The following FAM81A variants were observed in gnomAD, a reference collection of about 807,000 sequenced individuals.
The protein encoded by FAM81A is protein FAM81A.
FAM81A carries 19 observed loss-of-function variants against 46.7 expected under a neutral mutation model. The observed-to-expected ratio is 0.41, with a 90% CI of 0.28 to 0.60. FAM81A has a LOEUF of 0.60. Ranked by LOEUF, FAM81A falls within the 20% of genes least tolerant of loss-of-function variation. FAM81A has a pLI of 0.34. For missense variants in FAM81A, 377 were observed against 453.5 expected (o/e 0.83, Z 1.53); for synonymous variants, 183 against 152.9 (o/e 1.20, Z -1.45).
intron 1 of FAM81A, among the ~76,000 whole-genome samples, chr15:59,457,336 A>G (rs1260601181): frequency 6.6e-6 from 1 of 152,226 alleles, no homozygotes; most frequent in African/African-American, 2.4e-5. Flanking sequence ...GAGTCACTTA[A>G]TAGCCATCTC....
chr15:59,520,357 T>C (rs1245484252), intron 8 of FAM81A, among the ~76,000 whole-genome samples: 3 of 152,154 alleles, frequency 2.0e-5, no homozygotes, highest in Non-Finnish European at 4.4e-5. Context: ...TGATAACTCA[T>C]TGTGGTTTTA....
At chr15:59,478,822 T>A (rs2081807831) in intron 3 of FAM81A, among the ~76,000 whole-genome samples, 1 of 152,250 alleles carries the variant, frequency 6.6e-6, no homozygotes. Flanking sequence ...CAGTACATTT[T>A]AGCTTGTCTG....
chr15:59,417,400 A>C (rs2081151233), intron 2 of FAM81A, among the ~76,000 whole-genome samples: 1 of 151,972 alleles, frequency 6.6e-6, no homozygotes, highest in East Asian at 1.9e-4. Context: ...AAACAAACAA[A>C]CAAACAAAAA....
At chr15:59,486,249 A>G (rs769522866) in intron 3 of FAM81A, among the ~76,000 whole-genome samples, 54 of 152,176 alleles carry the variant, frequency 3.5e-4, no homozygotes, top group Non-Finnish European at 4.3e-4. Context: ...GAAAAATGCT[A>G]GTGACATACT....
At chr15:59,482,081 A>G (rs564186300) in intron 3 of FAM81A, among the ~76,000 whole-genome samples, 2 of 152,240 alleles carry the variant, frequency 1.3e-5, no homozygotes, top group East Asian at 3.9e-4. Flanking sequence ...CCAGAGTGGT[A>G]TGCTATAATA....
chr15:59,499,913 C>T (rs2082073899), intron 4 of FAM81A, among the ~76,000 whole-genome samples: 1 of 149,710 alleles, frequency 6.7e-6, no homozygotes, highest in African/African-American at 2.5e-5. Flanking sequence ...AGTGCAGTGG[C>T]ATGATCTCAG....
intron 8 of FAM81A, among the ~76,000 whole-genome samples, chr15:59,520,628 A>G (rs1394698301): frequency 6.7e-6 from 1 of 149,904 alleles, no homozygotes; most frequent in African/African-American, 2.5e-5. Flanking sequence ...CAGTAGCACA[A>G]TCTCAGCTCA....
chr15:59,434,670 G>A (rs573911734), upstream of FAM81A, among the ~76,000 whole-genome samples: 1 of 152,288 alleles, frequency 6.6e-6, no homozygotes, highest in South Asian at 2.1e-4. Flanking sequence ...ACTGTTCCTT[G>A]TGGTCAAATT....
intron 2 of FAM81A, among the ~76,000 whole-genome samples, chr15:59,425,336 A>AT (rs1254578385): frequency 6.6e-6 from 1 of 152,224 alleles, no homozygotes; most frequent in Non-Finnish European, 1.5e-5. Context: ...TGAAGCCAGA[A>AT]TTTGAATGCA....
In FAM81A at chr15:59,516,126, G is replaced by T. The variant is rs868813940; in HGVS notation, c.787-519G>T. Among the ~76,000 whole-genome samples the T allele has an allele frequency of 2.1e-3, 288 of 136,534 alleles. 2 individuals carry two copies. Among genetic ancestry groups the T allele is most frequent in the African/African-American group, 6.9e-3 (256 of 37,162 alleles). 89.6% of individuals were successfully genotyped at this position (136,534 alleles called of 152,430 possible). Reference sequence around the variant, plus strand: ...TACTTACATCTCATTGAATGTAGTGGTTTTTTTTTTTTTTTTTTGAGACAG... The same window carrying T: ...TACTTACATCTCATTGAATGTAGTGTTTTTTTTTTTTTTTTTTTGAGACAG... On this transcript the variant is annotated intron_variant, in intron 7 of 8. Coordinates refer to ENST00000288228, the MANE Select transcript of FAM81A (RefSeq NM_152450.3).
chr15:59,498,546 C>T (rs114760326), intron 4 of FAM81A, among the ~76,000 whole-genome samples: 68 of 152,270 alleles, frequency 4.5e-4, no homozygotes, highest in African/African-American at 1.6e-3. Flanking sequence ...ACTAGAACCT[C>T]GAGTACGATG....
At chr15:59,446,397 G>C (rs1484405362) in intron 1 of FAM81A, 2 of 152,246 alleles carry the variant, frequency 1.3e-5, no homozygotes, top group African/African-American at 4.8e-5. Context: ...CTGTAAATCT[G>C]TCTGGATCTG....
chr15:59,501,947 C>G (rs2082095150), intron 4 of FAM81A, among the ~76,000 whole-genome samples: 2 of 151,954 alleles, frequency 1.3e-5, no homozygotes, highest in South Asian at 4.1e-4. Flanking sequence ...GGAATGATGT[C>G]TTTGATTTAA....
rs2141860427 is a variant in FAM81A at position 59,522,334 on chromosome 15, C to T, written c.*956C>T. 1 of 152,608 alleles carries T rather than the reference C, an allele frequency of 6.6e-6. No individual in the cohort carries two copies. The highest frequency in any genetic ancestry group is 1.9e-4 in the East Asian group (1 of 5,190). The allele number at this position is 152,608 out of a possible 1,614,324, so 9.5% of individuals were successfully genotyped here. ...CTGTACTCTGTAAAAGTTTTGCAGA[C>T]AAAATAGAAAGTATGATAATCCGTC... On this transcript the variant is annotated 3_prime_UTR_variant, in exon 9 of 9. Transcript: ENST00000288228.
chr15:59,512,153 T>G (rs1395754847), intron 6 of FAM81A, among the ~76,000 whole-genome samples: 2 of 152,190 alleles, frequency 1.3e-5, no homozygotes, highest in East Asian at 3.8e-4. Context: ...AAACTCACAC[T>G]TTAGTACGTT....
At chr15:59,461,142 C>T (rs898700851) in intron 3 of FAM81A, among the ~76,000 whole-genome samples, 3 of 152,184 alleles carry the variant, frequency 2.0e-5, no homozygotes, top group Non-Finnish European at 4.4e-5. Context: ...TCCCAAAATT[C>T]ACATAAGCCT....
At chr15:59,442,344 G>A (rs2081307292) in intron 1 of FAM81A, among the ~76,000 whole-genome samples, 1 of 152,110 alleles carries the variant, frequency 6.6e-6, no homozygotes. Flanking sequence ...CAGGTACAGT[G>A]GCTCATGCTT....
chr15:59,437,047 C>G (rs74017794), upstream of FAM81A, among the ~76,000 whole-genome samples: 2,722 of 152,302 alleles, frequency 0.018, 70 homozygotes, highest in African/African-American at 0.062. Context: ...TGCGTTAGCG[C>G]TTTGTGGAAG....
At chr15:59,468,867 G>A (rs2081649528) in intron 3 of FAM81A, among the ~76,000 whole-genome samples, 1 of 152,056 alleles carries the variant, frequency 6.6e-6, no homozygotes, top group Non-Finnish European at 1.5e-5. Flanking sequence ...ATAAATTTCT[G>A]TCTACACAAT....
Sources: gnomAD v4.1 joint callset for allele counts (sites outside exome capture counted in the v4.1 genomes callset) on GRCh38, gnomAD v4.1.1 for gene constraint, MANE v1.5 for transcripts, NCBI Gene and HGNC (gene_info 2026-07-23, HGNC 2026-07-21) for gene names.